The following ERFL variants were observed in gnomAD, a reference collection of about 807,000 sequenced individuals.
ERFL encodes ETS repressor factor like.
ERFL carries 8 observed loss-of-function variants against 27.9 expected under a neutral mutation model. The observed-to-expected ratio is 0.29, with a 90% CI of 0.17 to 0.52. The LOEUF is 0.52. Among genes scored for constraint, ERFL ranks in the 20% least tolerant of loss-of-function variants. The probability of loss-of-function intolerance (pLI) is 0.97; values close to 1 mark genes in which losing one functional copy is unlikely to be tolerated. For synonymous variants in ERFL, 174 were observed against 202.8 expected (o/e 0.86, Z 1.21); for missense variants, 294 against 444.4 (o/e 0.66, Z 3.04).
rs2145895709 is a variant in ERFL at position 41,916,122 on chromosome 19, T to A, written c.-13-3190A>T. On this transcript the variant is annotated intron_variant, in intron 1 of 5. Transcript: ENST00000597630. This position sits in a 1 kb window ranked among gnomAD's most constrained non-coding sequence, Gnocchi z 5.4. ...GGCGCTGGGCAGGCGAGGGCCCTCC[T>A]CCCTTCTCTCCCTGCCAAGCACAAC... Among the ~76,000 whole-genome samples, 1 of 148,758 alleles carries A rather than the reference T, an allele frequency of 6.7e-6. No individual in the cohort carries two copies. Among genetic ancestry groups the A allele is most frequent in the South Asian group, 2.1e-4 (1 of 4,686 alleles).
chr19:41,922,219 G>A (rs1004464794), intron 1 of ERFL, among the ~76,000 whole-genome samples: 4 of 152,108 alleles, frequency 2.6e-5, no homozygotes, highest in Admixed American at 6.5e-5. Flanking sequence ...GACAGAGCCC[G>A]GGGCTTGGCA....
At chr19:41,925,390 C>T (rs541803745) in intron 1 of ERFL, among the ~76,000 whole-genome samples, 4 of 151,980 alleles carry the variant, frequency 2.6e-5, no homozygotes, top group African/African-American at 7.2e-5. Flanking sequence ...ATACAGGTGA[C>T]GCAGATACCT....
rs2074729393 is a variant in ERFL at position 41,908,227 on chromosome 19, C to T, written c.*1G>A. ...AGCAGAATCCATTGCCCCCTGCCGG[C>T]TCAGCTGCCGGTCCCCCCTTTGCCC... is the stretch of plus-strand genomic sequence containing the variant. On this transcript the variant is annotated 3_prime_UTR_variant, in exon 6 of 6. Transcript: ENST00000597630. This position sits in a 1 kb window ranked among gnomAD's most constrained non-coding sequence, Gnocchi z 6.7. 8.1e-7 allele frequency: 1 copy of T among 1,231,770 alleles called. No homozygotes were observed. The highest frequency in any genetic ancestry group is 1.0e-6 in the Non-Finnish European group (1 of 988,032). The allele number at this position is 1,231,770 out of a possible 1,614,324, so 76.3% of individuals were successfully genotyped here.
chr19:41,923,164 G>A (rs1185200424), intron 1 of ERFL: 2 of 456,378 alleles, frequency 4.4e-6, no homozygotes, highest in African/African-American at 4.0e-5. Context: ...TGTGGAAACT[G>A]AGGTTCTGAC....
At chr19:41,912,832 G>C in intron 2 of ERFL, 21 bp downstream of exon 2, 2 of 1,056,358 alleles carry the variant, frequency 1.9e-6, no homozygotes, top group Non-Finnish European at 2.4e-6. Context: ...GGAAGGGGTG[G>C]GGGAGGTCCG....
rs2074734389 is a variant in ERFL at position 41,908,785 on chromosome 19, A to G, written c.617-109T>C. The stretch of plus-strand genomic sequence containing the variant: ...CCCCATCTCCCCGCATCCCTCCTAC[A>G]TGGCATCTTACCCCCTCATACAGCT... On this transcript the variant is annotated intron_variant, in intron 5 of 5. Coordinates refer to ENST00000597630, the MANE Select transcript of ERFL (RefSeq NM_001365103.2). This position sits in a 1 kb window ranked among gnomAD's most constrained non-coding sequence, Gnocchi z 6.7. 2 of 538,818 alleles carry G rather than the reference A, an allele frequency of 3.7e-6. No individual in the cohort carries two copies. Among genetic ancestry groups the G allele is most frequent in the South Asian group, 9.9e-5 (1 of 10,068 alleles). The allele number at this position is 538,818 out of a possible 1,614,324, so 33.4% of individuals were successfully genotyped here. A position where few individuals can be genotyped will look rare whatever the true frequency, so the allele number is the denominator to read the frequency against.
chr19:41,926,716 G>T lies in ERFL; in HGVS notation c.-14+1324C>A, dbSNP rs920269227. On this transcript the variant is annotated intron_variant, in intron 1 of 5. Transcript: ENST00000597630. ...TCTGGGCCGCGGCGGCCGGCCGGGA[G>T]GGGGGAGCGGGCGGGGGGGCCGTTT... Among the ~76,000 whole-genome samples the T allele has an allele frequency of 3.9e-5, 6 of 152,168 alleles. No homozygotes were observed. The South Asian group carries it at 1.0e-3, about 26-fold the overall frequency.
chr19:41,918,111 C>T (rs1361175035), intron 1 of ERFL, among the ~76,000 whole-genome samples: 2 of 151,966 alleles, frequency 1.3e-5, no homozygotes, highest in Non-Finnish European at 2.9e-5. Flanking sequence ...GGACGCCACC[C>T]CCATTCCCAC....
chr19:41,918,775 CAT>C (rs1263195575), intron 1 of ERFL, among the ~76,000 whole-genome samples: 4 of 150,842 alleles, frequency 2.7e-5, no homozygotes, highest in South Asian at 2.1e-4. Context: ...CTACCACACA[CAT>C]ACCACACACT....
At position 41,908,600 on chromosome 19, in the gene ERFL, A is replaced by T. The variant is rs941401888; in HGVS notation, c.693T>A (p.Phe231Leu). The change falls in exon 6 of 6, where the codon TTT (phenylalanine) becomes TTA (leucine). Residue 231 changes from phenylalanine (F) to leucine (L), a missense_variant. Physicochemically the swap from Phe to Leu is conservative, Grantham distance 22. Around this residue, in one of 3 missense-constraint regions of ERFL, gnomAD observed 246 missense variants for 371.4 expected, o/e 0.66. Coordinates refer to ENST00000597630, the MANE Select transcript of ERFL (RefSeq NM_001365103.2). This position sits in a 1 kb window ranked among gnomAD's most constrained non-coding sequence, Gnocchi z 6.7. The stretch of plus-strand genomic sequence containing the variant: ...GGAAGGGGCCCGTGAGGTACGGGTT[A>T]AAGTTCCAGGGGTACTCAGGGAAGG... ...GRAFPEYPWN[F>L]NPYLTGPFPK... is the part of the protein sequence containing the mutation. 1 of 1,231,676 alleles carries T rather than the reference A, an allele frequency of 8.1e-7. No homozygotes were observed. Among genetic ancestry groups the T allele is most frequent in the African/African-American group, 1.6e-5 (1 of 64,288 alleles). 76.3% of individuals were successfully genotyped at this position (1,231,676 alleles called of 1,614,324 possible). A position where few individuals can be genotyped will look rare whatever the true frequency, so the allele number is the denominator to read the frequency against.
chr19:41,908,971 C>G lies in ERFL; in HGVS notation c.616+89G>C, dbSNP rs540150464. The G allele has an allele frequency of 1.2e-6, 1 of 847,112 alleles. No individual in the cohort carries two copies. The highest frequency in any genetic ancestry group is 1.6e-6 in the Non-Finnish European group (1 of 637,672). 52.5% of individuals were successfully genotyped at this position (847,112 alleles called of 1,614,324 possible). On this transcript the variant is annotated intron_variant, in intron 5 of 5. Transcript: ENST00000597630. The surrounding 1 kb of genome is among the most constrained non-coding windows in gnomAD (Gnocchi z 6.7). Reference sequence around the variant, plus strand: ...CCTGGCCCTGGGCCCCCTTCCCCATCTCTTCTCTTGTCTTTTCTCATCCTC... The same window carrying G: ...CCTGGCCCTGGGCCCCCTTCCCCATGTCTTCTCTTGTCTTTTCTCATCCTC...
At chr19:41,920,376 TCA>T (rs1419836034) in intron 1 of ERFL, among the ~76,000 whole-genome samples, 27 of 128,906 alleles carry the variant, frequency 2.1e-4, no homozygotes, top group African/African-American at 5.7e-4. Flanking sequence ...CATGACATGT[TCA>T]CAGACATGAC....
chr19:41,924,831 T>C (rs2074862311), intron 1 of ERFL, among the ~76,000 whole-genome samples: 1 of 152,048 alleles, frequency 6.6e-6, no homozygotes, highest in Admixed American at 6.5e-5. Context: ...AGGGGACCGG[T>C]GTTTCTGGAG....
In ERFL at chr19:41,909,955, G is replaced by A; in HGVS notation, c.210C>T (p.Phe70=). The A allele has an allele frequency of 6.2e-7, 1 of 1,613,878 alleles. No homozygotes were observed. The highest frequency in any genetic ancestry group is 8.5e-7 in the Non-Finnish European group (1 of 1,179,948). ...CCACCTCATCGGGGTCTTTGATGAC[G>A]AATTCCCCGTAGTCCCCCTGCCAGG... is the stretch of plus-strand genomic sequence containing the variant. ...VIAWQGDYGE[F]VIKDPDEVAR... is the part of the protein sequence containing the mutation. Residue 70 remains phenylalanine, a synonymous_variant, in exon 3 of 6, where the codon TTC becomes TTT. Coordinates refer to ENST00000597630, the MANE Select transcript of ERFL (RefSeq NM_001365103.2). The surrounding 1 kb of genome is among the most constrained non-coding windows in gnomAD (Gnocchi z 5.2).
At chr19:41,915,240 TGG>T (rs2074793637) in intron 1 of ERFL, among the ~76,000 whole-genome samples, 1 of 147,944 alleles carries the variant, frequency 6.8e-6, no homozygotes, top group Non-Finnish European at 1.5e-5. Flanking sequence ...CGAGGAGCCG[TGG>T]GATCGGCGCT....
Position 41,910,656 on chromosome 19 carries a change from G to C in ERFL, c.68-559C>G, listed in dbSNP as rs187028396. ...CTGCCTGTGTATTTGTACCTTTCCCGTCCCTGTGTCCCCTCCACCCCATAT... is the reference window on the plus strand; with the variant it reads ...CTGCCTGTGTATTTGTACCTTTCCCCTCCCTGTGTCCCCTCCACCCCATAT... On this transcript the variant is annotated intron_variant, in intron 2 of 5. Coordinates refer to ENST00000597630, the MANE Select transcript of ERFL (RefSeq NM_001365103.2). This position sits in a 1 kb window ranked among gnomAD's most constrained non-coding sequence, Gnocchi z 4.4. 2.0e-5 allele frequency among the ~76,000 whole-genome samples: 3 copies of C among 152,070 alleles called. No individual in the cohort carries two copies. In the East Asian group the frequency reaches 5.8e-4, roughly 29 times the overall value.
chr19:41,912,819 G>C, intron 2 of ERFL, 34 bp downstream of exon 2: 1 of 861,902 alleles, frequency 1.2e-6, no homozygotes, highest in Non-Finnish European at 1.5e-6. Flanking sequence ...CCTGAGGGGT[G>C]GGGGAAGGGG....
chr19:41,917,979 G>C lies in ERFL; in HGVS notation c.-13-5047C>G, dbSNP rs2074812242. ...GTCCAGACTATAGCCACGTCCATGT[G>C]TACACAGAGCAGGCTCAGGGGCCGG... On this transcript the variant is annotated intron_variant, in intron 1 of 5. Transcript: ENST00000597630. The surrounding 1 kb of genome is among the most constrained non-coding windows in gnomAD (Gnocchi z 4.8). 6.6e-6 allele frequency among the ~76,000 whole-genome samples: 1 copy of C among 151,962 alleles called. No homozygotes were observed. The highest frequency in any genetic ancestry group is 2.4e-5 in the African/African-American group (1 of 41,290).
Position 41,910,876 on chromosome 19 carries a change from C to T in ERFL, c.68-779G>A, listed in dbSNP as rs1002765191. On this transcript the variant is annotated intron_variant, in intron 2 of 5. Transcript: ENST00000597630. This position sits in a 1 kb window ranked among gnomAD's most constrained non-coding sequence, Gnocchi z 4.4. Reference sequence around the variant, plus strand: ...AGGCTGACATGGCAGACACAGGCTGCGCAAGACTCAAGGTCACGTCATCTC... The same window carrying T: ...AGGCTGACATGGCAGACACAGGCTGTGCAAGACTCAAGGTCACGTCATCTC... 1.2e-4 allele frequency among the ~76,000 whole-genome samples: 19 copies of T among 152,158 alleles called. No homozygotes were observed. The highest frequency in any genetic ancestry group is 6.5e-4 in the Admixed American group (10 of 15,278).
Sources: gnomAD v4.1 joint callset for allele counts (sites outside exome capture counted in the v4.1 genomes callset) on GRCh38, gnomAD v4.1.1 for gene constraint, gnomAD v4.1.1 regional missense constraint, Gnocchi (gnomAD v3.1) non-coding constraint, MANE v1.5 for transcripts, NCBI Gene and HGNC (gene_info 2026-07-23, HGNC 2026-07-21) for gene names.